FOXP2: variants seen among roughly 807,000 people sequenced by gnomAD.
FOXP2 encodes forkhead box protein P2.
A neutral mutation model predicts 115.8 loss-of-function variants in FOXP2; 12 were observed. The ratio of observed to expected loss-of-function variants is 0.10; its 90% CI spans 0.07 to 0.17. The LOEUF is 0.17. Among genes scored for constraint, FOXP2 ranks in the 10% least tolerant of loss-of-function variants. The probability of loss-of-function intolerance (pLI) is 1.00; values close to 1 mark genes in which losing one functional copy is unlikely to be tolerated. For synonymous variants in FOXP2, 328 were observed against 297.7 expected (o/e 1.10, Z -1.05); for missense variants, 629 against 843.5 (o/e 0.75, Z 3.15).
intron 2 of FOXP2, among the ~76,000 whole-genome samples, chr7:114,532,075 T>C (rs1344291521): frequency 6.6e-6 from 1 of 151,956 alleles, no homozygotes; most frequent in African/African-American, 2.4e-5. Context: ...TTTCTTCAGT[T>C]ACTTGTTTGA....
intron 16 of FOXP2, chr7:114,665,317 T>C (rs1658395339): frequency 1.3e-5 from 2 of 152,164 alleles, no homozygotes; most frequent in African/African-American, 4.8e-5. Flanking sequence ...GGATGAGTTG[T>C]AACTCATGTC....
At chr7:114,463,056 T>G in intron 2 of FOXP2, 1 of 435,072 alleles carries the variant, frequency 2.3e-6, no homozygotes, top group South Asian at 1.6e-5. Flanking sequence ...AGAGACAGGG[T>G]CTTGTTCTGT....
At chr7:114,241,129 T>C (rs1297855430) in intron 1 of FOXP2, among the ~76,000 whole-genome samples, 1 of 152,084 alleles carries the variant, frequency 6.6e-6, no homozygotes, top group Non-Finnish European at 1.5e-5. Flanking sequence ...GACTATTTTG[T>C]AGAATCCATT....
At chr7:114,146,304 C>G (rs1447629611) in intron 1 of FOXP2, among the ~76,000 whole-genome samples, 2 of 152,172 alleles carry the variant, frequency 1.3e-5, no homozygotes, top group South Asian at 4.1e-4. Flanking sequence ...GAACACTAGG[C>G]ATAATACATG....
intron 3 of FOXP2, among the ~76,000 whole-genome samples, chr7:114,583,280 G>A (rs938957359): frequency 5.9e-5 from 9 of 152,010 alleles, no homozygotes; most frequent in African/African-American, 1.2e-4. Flanking sequence ...TTGGGTGGCC[G>A]AGGCAGGAGA....
chr7:114,133,552 A>G (rs536481636), intron 1 of FOXP2, among the ~76,000 whole-genome samples: 1 of 152,354 alleles, frequency 6.6e-6, no homozygotes, highest in South Asian at 2.1e-4. Context: ...AATAAGGAAG[A>G]ACCAGTCCTA....
intron 2 of FOXP2, among the ~76,000 whole-genome samples, chr7:114,501,719 AT>A (rs1257121176): frequency 6.6e-6 from 1 of 152,124 alleles, no homozygotes; most frequent in Non-Finnish European, 1.5e-5. Context: ...TCTTAACTAT[AT>A]TTTCCAATAT....
intron 3 of FOXP2, among the ~76,000 whole-genome samples, chr7:114,584,491 T>C (rs1802029342): frequency 6.6e-6 from 1 of 152,196 alleles, no homozygotes; most frequent in Non-Finnish European, 1.5e-5. Flanking sequence ...TAGTTTACAT[T>C]TCCTTATCTT....
At chr7:114,105,736 G>A (rs374048797) in intron 1 of FOXP2, among the ~76,000 whole-genome samples, 3 of 152,024 alleles carry the variant, frequency 2.0e-5, no homozygotes, top group African/African-American at 4.8e-5. Context: ...CTTTGAGCAT[G>A]AGTTCTAATT....
intron 1 of FOXP2, among the ~76,000 whole-genome samples, chr7:114,211,052 G>C (rs11764391): frequency 2.0e-5 from 3 of 152,292 alleles, no homozygotes; most frequent in Admixed American, 2.0e-4. Flanking sequence ...CTCCCTCTGG[G>C]AACTCGGACC....
At chr7:114,276,968 A>G (rs1405251457) in intron 1 of FOXP2, among the ~76,000 whole-genome samples, 4 of 152,208 alleles carry the variant, frequency 2.6e-5, no homozygotes, top group Non-Finnish European at 4.4e-5. Context: ...AAGTAAAAAT[A>G]TATAGTGGAG....
At chr7:114,530,442 C>T (rs373598351) in intron 2 of FOXP2, among the ~76,000 whole-genome samples, 6 of 151,914 alleles carry the variant, frequency 3.9e-5, no homozygotes, top group East Asian at 3.9e-4. Flanking sequence ...TCAAATGCAA[C>T]AGGCTGATAG....
Position 114,516,355 on chromosome 7 carries a change from A to G in FOXP2, c.169-18262A>G, listed in dbSNP as rs562471395. On this transcript the variant is annotated intron_variant, in intron 2 of 16. Transcript: ENST00000350908. ...ATGGTGCTGGGAAAACTGGCTAGCC[A>G]TATGTAGAAAGCTGAAACTGGATCC... Among the ~76,000 whole-genome samples, 6 of 152,284 alleles carry G rather than the reference A, an allele frequency of 3.9e-5. No homozygotes were observed. The East Asian group carries it at 1.2e-3, about 29-fold the overall frequency.
chr7:114,528,231 C>T (rs1415066762), intron 2 of FOXP2, among the ~76,000 whole-genome samples: 1 of 152,014 alleles, frequency 6.6e-6, no homozygotes, highest in East Asian at 1.9e-4. Context: ...CTTGGCATGG[C>T]CTTCTGTCAT....
At chr7:114,288,319 C>T (rs1796513788) in intron 2 of FOXP2, among the ~76,000 whole-genome samples, 1 of 151,868 alleles carries the variant, frequency 6.6e-6, no homozygotes, top group Non-Finnish European at 1.5e-5. Context: ...TTGCTGCTCT[C>T]TTTCTATTAA....
rs189351398 is a variant in FOXP2, at chr7:114,592,429, T to G, written c.259-36111T>G. Reference sequence around the variant, plus strand: ...TGAGCATATATTTTTTTTATTTAGGTAGACTTTTAAAAGCAGATACAAATG... The same window carrying G: ...TGAGCATATATTTTTTTTATTTAGGGAGACTTTTAAAAGCAGATACAAATG... On this transcript the variant is annotated intron_variant, in intron 3 of 16. Coordinates refer to ENST00000350908, the MANE Select transcript of FOXP2 (RefSeq NM_014491.4). 5.1e-3 allele frequency among the ~76,000 whole-genome samples: 779 copies of G among 152,094 alleles called. 7 individuals are homozygous for G. Among genetic ancestry groups the G allele is most frequent in the African/African-American group, 0.018 (751 of 41,524 alleles).
intron 1 of FOXP2, among the ~76,000 whole-genome samples, chr7:114,416,704 T>G (rs988128647): frequency 6.6e-6 from 1 of 151,986 alleles, no homozygotes; most frequent in African/African-American, 2.4e-5. Context: ...GCATATTTAT[T>G]TGTCTTTACA....
chr7:114,555,378 AT>A (rs1800406712), intron 3 of FOXP2, among the ~76,000 whole-genome samples: 1 of 152,146 alleles, frequency 6.6e-6, no homozygotes, highest in South Asian at 2.1e-4. Context: ...CAGGTTTTTC[AT>A]TTTCATTTTT....
intron 2 of FOXP2, among the ~76,000 whole-genome samples, chr7:114,474,938 G>A (rs1235865771): frequency 6.6e-6 from 1 of 151,954 alleles, no homozygotes; most frequent in Non-Finnish European, 1.5e-5. Flanking sequence ...TTGGTGAGGT[G>A]ATTTGAGTTC....
Sources: allele counts gnomAD v4.1 joint callset (sites outside exome capture counted in the v4.1 genomes callset), GRCh38; gene constraint gnomAD v4.1.1; transcripts MANE v1.5; gene names NCBI Gene and HGNC (gene_info 2026-07-23, HGNC 2026-07-21).